NR3C1: variants seen among roughly 807,000 people sequenced by gnomAD.
NR3C1 encodes nuclear receptor subfamily 3 group C member 1.
A neutral mutation model predicts 74.0 loss-of-function variants in NR3C1; 14 were observed. The observed-to-expected ratio is 0.19, with a 90% CI of 0.12 to 0.30. NR3C1 has a LOEUF of 0.30. Among genes scored for constraint, NR3C1 ranks in the 10% least tolerant of loss-of-function variants. The pLI, the probability that NR3C1 is intolerant of heterozygous loss-of-function variation, is 1.00. For synonymous variants in NR3C1, 308 were observed against 332.5 expected (o/e 0.93, Z 0.80); for missense variants, 695 against 909.8 (o/e 0.76, Z 3.04).
intron 2 of NR3C1, among the ~76,000 whole-genome samples, chr5:143,341,608 A>G (rs1828238753): frequency 1.3e-5 from 2 of 152,392 alleles, no homozygotes; most frequent in South Asian, 2.1e-4. Context: ...CTAACAGAAC[A>G]TGTGTATCAT....
intron 2 of NR3C1, among the ~76,000 whole-genome samples, chr5:143,336,360 G>C (rs1364833113): frequency 6.6e-6 from 1 of 152,120 alleles, no homozygotes; most frequent in Non-Finnish European, 1.5e-5. Flanking sequence ...GTTTTTAAAA[G>C]CATACACCTC....
At position 143,371,147 on chromosome 5, in the gene NR3C1, T is replaced by G. The variant is rs76023762; in HGVS notation, c.1184+28509A>C. 4.3e-3 allele frequency among the ~76,000 whole-genome samples: 659 copies of G among 152,320 alleles called. 2 individuals are homozygous for G. Among genetic ancestry groups the G allele is most frequent in the African/African-American group, 0.015 (631 of 41,576 alleles). On this transcript the variant is annotated intron_variant, in intron 2 of 8. Coordinates refer to ENST00000394464, the MANE Select transcript of NR3C1 (RefSeq NM_000176.3). The stretch of plus-strand genomic sequence containing the variant: ...TAGATTAGATTGTGGTCCTTAAAAA[T>G]AAAATGTTTGCTTTTGTCATTATAT...
At chr5:143,368,172 C>A (rs1403870029) in intron 2 of NR3C1, among the ~76,000 whole-genome samples, 1 of 152,110 alleles carries the variant, frequency 6.6e-6, no homozygotes, top group Non-Finnish European at 1.5e-5. Flanking sequence ...GGTGCTGGGA[C>A]AACTAGGTAT....
Position 143,349,568 on chromosome 5 carries a change from C to T in NR3C1, c.1185-35400G>A, listed in dbSNP as rs539163332. ...TTGCTTCAGTTATAGTGGTTTAAAA[C>T]ACAGTATTTCCTAAAACAAACTCTT... On this transcript the variant is annotated intron_variant, in intron 2 of 8. Transcript: ENST00000394464. Among the ~76,000 whole-genome samples the T allele has an allele frequency of 2.0e-5, 3 of 152,278 alleles. No individual in the cohort carries two copies. In the South Asian group the frequency reaches 6.2e-4, roughly 32 times the overall value.
At chr5:143,421,190 C>T (rs565741948) in intron 1 of NR3C1, among the ~76,000 whole-genome samples, 24 of 152,282 alleles carry the variant, frequency 1.6e-4, no homozygotes, top group African/African-American at 5.5e-4. Context: ...CTCCTGTAGC[C>T]TCTGGAGGAG....
rs995378962 is a variant in NR3C1 at position 143,403,391 on chromosome 5, C to T, written c.-194G>A. 1.0e-6 allele frequency: 1 copy of T among 985,362 alleles called. No homozygotes were observed. The highest frequency in any genetic ancestry group is 1.2e-6 in the Non-Finnish European group (1 of 829,994). 61.0% of individuals were successfully genotyped at this position (985,362 alleles called of 1,614,324 possible). A position where few individuals can be genotyped will look rare whatever the true frequency, so the allele number is the denominator to read the frequency against. ...GGGGAGAGCCCCTATTTAAGAAAGT[C>T]TCCCATTGCCCAGCTGACAAGCCAG... is the stretch of plus-strand genomic sequence containing the variant. On this transcript the variant is annotated 5_prime_UTR_variant, in exon 1 of 9. Transcript: ENST00000394464.
intron 2 of NR3C1, among the ~76,000 whole-genome samples, chr5:143,392,971 T>C (rs79316449): frequency 0.013 from 1,918 of 152,272 alleles, 37 homozygotes; most frequent in African/African-American, 0.043. Flanking sequence ...TTAAGTGTTT[T>C]GTGATCTTTA....
chr5:143,430,559 G>A (rs7719514), intron 1 of NR3C1, among the ~76,000 whole-genome samples: 9,190 of 152,214 alleles, frequency 0.06, 297 homozygotes, highest in East Asian at 0.14. Flanking sequence ...AAGTAATTAG[G>A]TCATGAAGGT....
chr5:143,385,714 C>T (rs988635261), intron 2 of NR3C1, among the ~76,000 whole-genome samples: 7 of 152,194 alleles, frequency 4.6e-5, no homozygotes, highest in Non-Finnish European at 1.0e-4. Flanking sequence ...CTGAGACCAC[C>T]TCAGCCTGGA....
chr5:143,325,330 T>A (rs1181808955), intron 2 of NR3C1, among the ~76,000 whole-genome samples: 2 of 152,132 alleles, frequency 1.3e-5, no homozygotes, highest in Non-Finnish European at 2.9e-5. Flanking sequence ...GATAAACCCA[T>A]CAGATCATGT....
At chr5:143,387,687 T>C (rs1358537223) in intron 2 of NR3C1, among the ~76,000 whole-genome samples, 2 of 152,230 alleles carry the variant, frequency 1.3e-5, no homozygotes, top group East Asian at 1.9e-4. Flanking sequence ...GCGACTGTCA[T>C]TGCCATATTA....
chr5:143,402,167 G>C (rs1286950792), intron 1 of NR3C1, among the ~76,000 whole-genome samples: 1 of 152,188 alleles, frequency 6.6e-6, no homozygotes, highest in African/African-American at 2.4e-5. Context: ...CCGTTTATCT[G>C]AGGCGATAAC....
chr5:143,292,220 C>T lies in NR3C1; in HGVS notation c.2023+3240G>A, dbSNP rs116825243. Among the ~76,000 whole-genome samples the T allele has an allele frequency of 4.8e-3, 733 of 152,164 alleles. 10 individuals are homozygous for T. The highest frequency in any genetic ancestry group is 0.017 in the African/African-American group (719 of 41,520). ...GTTGTTTTTGGGTTTCCTAAGAGCT[C>T]CTTAAACAGCTTGTGTCTTGCAGCT... On this transcript the variant is annotated intron_variant, in intron 7 of 8. Transcript: ENST00000394464.
At chr5:143,405,237 C>T (rs1487160299), upstream of NR3C1, 4 of 985,712 alleles carry the variant, frequency 4.1e-6, no homozygotes, top group African/African-American at 1.7e-5. Flanking sequence ...TTTTGCGCCC[C>T]CACAGGTGAC....
intron 7 of NR3C1, among the ~76,000 whole-genome samples, chr5:143,291,795 C>T (rs562840043): frequency 2.0e-5 from 3 of 152,172 alleles, no homozygotes; most frequent in Non-Finnish European, 4.4e-5. Context: ...TTCCTTACAG[C>T]ATTCCTTAGC....
intron 2 of NR3C1, among the ~76,000 whole-genome samples, chr5:143,335,394 A>G (rs969290628): frequency 1.3e-5 from 2 of 152,268 alleles, no homozygotes; most frequent in Non-Finnish European, 2.9e-5. Context: ...CTGTAAATTC[A>G]TTTAGAATTA....
At chr5:143,295,011 C>A (rs1561491963) in intron 7 of NR3C1, 3 of 985,290 alleles carry the variant, frequency 3.0e-6, no homozygotes, top group Admixed American at 1.2e-4. Context: ...GTTAACCAAT[C>A]CCCAATAGTA....
upstream of NR3C1, chr5:143,405,341 C>G (rs1456063662): frequency 2.2e-5 from 22 of 985,500 alleles, no homozygotes; most frequent in Non-Finnish European, 2.5e-5. Context: ...CACCTCCCGC[C>G]GCGCTCAGAC....
At chr5:143,370,579 C>T (rs1362054201) in intron 2 of NR3C1, among the ~76,000 whole-genome samples, 4 of 152,150 alleles carry the variant, frequency 2.6e-5, no homozygotes, top group Non-Finnish European at 5.9e-5. Flanking sequence ...ATTAAGGGCA[C>T]CGGCTACAGA....
Sources: allele counts gnomAD v4.1 joint callset (sites outside exome capture counted in the v4.1 genomes callset), GRCh38; gene constraint gnomAD v4.1.1; transcripts MANE v1.5; gene names NCBI Gene and HGNC (gene_info 2026-07-23, HGNC 2026-07-21).